MOB3B: variants seen among roughly 807,000 people sequenced by gnomAD.
MOB3B encodes the protein MOB kinase activator-like 2B.
A neutral mutation model predicts 18.7 loss-of-function variants in MOB3B; 7 were observed. The ratio of observed to expected loss-of-function variants is 0.37; its 90% CI spans 0.21 to 0.70. The LOEUF (loss-of-function observed/expected upper bound fraction) is 0.70. Among genes scored for constraint, MOB3B ranks in the 30% least tolerant of loss-of-function variants. The pLI is 0.52. For missense variants in MOB3B, 253 were observed against 281.3 expected (o/e 0.90, Z 0.72); for synonymous variants, 111 against 99.9 (o/e 1.11, Z -0.66).
chr9:27,344,709 C>G (rs1390393077), intron 3 of MOB3B, among the ~76,000 whole-genome samples: 1 of 152,220 alleles, frequency 6.6e-6, no homozygotes, highest in African/African-American at 2.4e-5. Context: ...AAAATTAAAG[C>G]TGGATGTGGA....
At position 27,330,402 on chromosome 9, in the gene MOB3B, C is replaced by A; in HGVS notation, c.*185G>T. ...TGCCTCGTCCACAGGTCTGGGCTAG[C>A]AGCACTCAGAAGGTTAAGAGCACAC... On this transcript the variant is annotated 3_prime_UTR_variant, in exon 4 of 4. Coordinates refer to ENST00000262244, the MANE Select transcript of MOB3B (RefSeq NM_024761.5). The A allele has an allele frequency of 1.5e-6, 1 of 684,176 alleles. No homozygotes were observed. Among genetic ancestry groups the A allele is most frequent in the Non-Finnish European group, 2.4e-6 (1 of 413,030 alleles). 42.4% of individuals were successfully genotyped at this position (684,176 alleles called of 1,614,324 possible). A position where few individuals can be genotyped will look rare whatever the true frequency, so the allele number is the denominator to read the frequency against.
At position 27,359,098 on chromosome 9, in the gene MOB3B, T is replaced by C. The variant is rs1821234460; in HGVS notation, c.557A>G (p.Tyr186Cys). The C allele has an allele frequency of 6.2e-7, 1 of 1,614,112 alleles. No individual in the cohort carries two copies. Among genetic ancestry groups the C allele is most frequent in the Non-Finnish European group, 8.5e-7 (1 of 1,180,008 alleles). Residue 186 changes from tyrosine (Y) to cysteine (C), a missense_variant, in exon 3 of 4, where the codon TAC becomes TGC. Coordinates refer to ENST00000262244, the MANE Select transcript of MOB3B (RefSeq NM_024761.5). ...TGTGACAAAGTAATAGAAGTGTTTG[T>C]AGCAGGTGTTGACATGGGCCTCTGC... The part of the protein sequence containing the change: ...MGAEAHVNTC[Y>C]KHFYYFVTEM...
At chr9:27,335,223 G>A (rs145734052) in intron 3 of MOB3B, among the ~76,000 whole-genome samples, 269 of 152,274 alleles carry the variant, frequency 1.8e-3, no homozygotes, top group African/African-American at 5.4e-3. Flanking sequence ...TGAAACAAGC[G>A]CCAAAAAGCA....
At chr9:27,442,986 C>T (rs959256266) in intron 2 of MOB3B, among the ~76,000 whole-genome samples, 1 of 152,148 alleles carries the variant, frequency 6.6e-6, no homozygotes, top group Admixed American at 6.5e-5. Context: ...AAGGCTCAGG[C>T]AGAATTTGCT....
At position 27,325,479 on chromosome 9, in the gene MOB3B, C is replaced by T. The variant is rs914800418; in HGVS notation, c.*5108G>A. The T allele has an allele frequency of 6.6e-6, 1 of 152,196 alleles. No homozygotes were observed. The highest frequency in any genetic ancestry group is 1.5e-5 in the Non-Finnish European group (1 of 68,036). 9.4% of individuals were successfully genotyped at this position (152,196 alleles called of 1,614,324 possible). On this transcript the variant is annotated 3_prime_UTR_variant, in exon 4 of 4. Coordinates refer to ENST00000262244, the MANE Select transcript of MOB3B (RefSeq NM_024761.5). ...CGAATTATTTGATTAGAAATGGACTCTTCCTTCATAAGTTACACAAATCCT... is the reference window on the plus strand; with the variant it reads ...CGAATTATTTGATTAGAAATGGACTTTTCCTTCATAAGTTACACAAATCCT...
chr9:27,415,733 G>A (rs1822135922), intron 2 of MOB3B, among the ~76,000 whole-genome samples: 2 of 152,122 alleles, frequency 1.3e-5, no homozygotes, highest in African/African-American at 4.8e-5. Context: ...TAATTTCAAT[G>A]GATTTGGCTT....
At chr9:27,414,936 A>G (rs1015712821) in intron 2 of MOB3B, among the ~76,000 whole-genome samples, 2 of 152,016 alleles carry the variant, frequency 1.3e-5, no homozygotes, top group Admixed American at 6.6e-5. Context: ...ATCTTGGCTC[A>G]CCACAACCTC....
chr9:27,506,574 C>T (rs1820063295), intron 1 of MOB3B, among the ~76,000 whole-genome samples: 1 of 151,444 alleles, frequency 6.6e-6, no homozygotes, highest in African/African-American at 2.4e-5. Flanking sequence ...CTCTGTCACC[C>T]AGGCTGGAGT....
At chr9:27,417,548 A>G (rs1171368386) in intron 2 of MOB3B, among the ~76,000 whole-genome samples, 1 of 152,188 alleles carries the variant, frequency 6.6e-6, no homozygotes, top group Non-Finnish European at 1.5e-5. Flanking sequence ...AGCTCCAGGA[A>G]TCAACAATTC....
Position 27,330,427 on chromosome 9 carries a change from C to G in MOB3B, c.*160G>C, listed in dbSNP as rs1035088155. Reference sequence around the variant, plus strand: ...CAGCACTCAGAAGGTTAAGAGCACACAAAGTGAGTGGGGAATGTCTCTCAG... The same window carrying G: ...CAGCACTCAGAAGGTTAAGAGCACAGAAAGTGAGTGGGGAATGTCTCTCAG... On this transcript the variant is annotated 3_prime_UTR_variant, in exon 4 of 4. Transcript: ENST00000262244. 2 of 896,336 alleles carry G rather than the reference C, an allele frequency of 2.2e-6. No homozygotes were observed. Among genetic ancestry groups the G allele is most frequent in the African/African-American group, 1.7e-5 (1 of 59,300 alleles). The allele number at this position is 896,336 out of a possible 1,614,324, so 55.5% of individuals were successfully genotyped here.
intron 3 of MOB3B, among the ~76,000 whole-genome samples, chr9:27,344,102 A>G (rs1587143451): frequency 6.9e-6 from 1 of 145,960 alleles, no homozygotes; most frequent in East Asian, 1.9e-4. Context: ...AAAAATTTAG[A>G]AAGGAAAAAA....
intron 1 of MOB3B, among the ~76,000 whole-genome samples, chr9:27,476,688 A>G (rs1254412276): frequency 6.6e-6 from 1 of 152,166 alleles, no homozygotes. Flanking sequence ...TCTTCCTGAA[A>G]AGCTCTTTAC....
At chr9:27,368,569 A>G (rs949597253) in intron 2 of MOB3B, among the ~76,000 whole-genome samples, 1 of 152,196 alleles carries the variant, frequency 6.6e-6, no homozygotes, top group Admixed American at 6.5e-5. Flanking sequence ...TCTGCCTAAA[A>G]AAAGAGAAAA....
chr9:27,335,535 T>G (rs1402023272), intron 3 of MOB3B, among the ~76,000 whole-genome samples: 2 of 152,160 alleles, frequency 1.3e-5, no homozygotes, highest in Non-Finnish European at 2.9e-5. Context: ...TGGCTTTCAG[T>G]AGTTTTCAAA....
At position 27,328,026 on chromosome 9, in the gene MOB3B, G is replaced by C. The variant is rs1820736360; in HGVS notation, c.*2561C>G. 1 of 150,674 alleles carries C rather than the reference G, an allele frequency of 6.6e-6. No homozygotes were observed. The highest frequency in any genetic ancestry group is 2.4e-5 in the African/African-American group (1 of 40,864). The allele number at this position is 150,674 out of a possible 1,614,324, so 9.3% of individuals were successfully genotyped here. ...AGCTCACTTGAGGCAAGGGGTTCAAGGCCAGCTTGGGTAAAATAGGGAGAG... is the reference window on the plus strand; with the variant it reads ...AGCTCACTTGAGGCAAGGGGTTCAACGCCAGCTTGGGTAAAATAGGGAGAG... On this transcript the variant is annotated 3_prime_UTR_variant, in exon 4 of 4. Coordinates refer to ENST00000262244, the MANE Select transcript of MOB3B (RefSeq NM_024761.5).
intron 2 of MOB3B, among the ~76,000 whole-genome samples, chr9:27,385,054 A>C (rs1381561701): frequency 1.3e-5 from 2 of 152,196 alleles, no homozygotes; most frequent in African/African-American, 4.8e-5. Flanking sequence ...AAGTAGCATC[A>C]AGTCAAAGCT....
intron 2 of MOB3B, among the ~76,000 whole-genome samples, chr9:27,390,686 G>A (rs1301941234): frequency 1.3e-5 from 2 of 152,132 alleles, no homozygotes; most frequent in African/African-American, 4.8e-5. Context: ...GAGACTAAGG[G>A]CGGAGAACTT....
In MOB3B at chr9:27,326,757, A is replaced by T. The variant is rs953142680; in HGVS notation, c.*3830T>A. Reference sequence around the variant, plus strand: ...TTTAAGAAGCAGGAAATGACTCTAGATCAGTATTTCTCAATTACAGCCGTG... The same window carrying T: ...TTTAAGAAGCAGGAAATGACTCTAGTTCAGTATTTCTCAATTACAGCCGTG... On this transcript the variant is annotated 3_prime_UTR_variant, in exon 4 of 4. Coordinates refer to ENST00000262244, the MANE Select transcript of MOB3B (RefSeq NM_024761.5). 1 of 396,066 alleles carries T rather than the reference A, an allele frequency of 2.5e-6. No individual in the cohort carries two copies. The highest frequency in any genetic ancestry group is 2.1e-5 in the African/African-American group (1 of 48,598). The allele number at this position is 396,066 out of a possible 1,614,324, so 24.5% of individuals were successfully genotyped here. A position where few individuals can be genotyped will look rare whatever the true frequency, so the allele number is the denominator to read the frequency against.
intron 3 of MOB3B, among the ~76,000 whole-genome samples, chr9:27,357,275 T>C (rs1821206614): frequency 6.6e-6 from 1 of 150,662 alleles, no homozygotes; most frequent in Admixed American, 6.7e-5. Flanking sequence ...TAAACATATC[T>C]TTTATTTTTT....
Sources: gnomAD v4.1 joint callset for allele counts (sites outside exome capture counted in the v4.1 genomes callset) on GRCh38, gnomAD v4.1.1 for gene constraint, MANE v1.5 for transcripts, NCBI Gene and HGNC (gene_info 2026-07-23, HGNC 2026-07-21) for gene names.